The following SV2B variants were observed in gnomAD, a reference collection of about 807,000 sequenced individuals.
The protein encoded by SV2B is solute carrier family 22 member B2.
In SV2B, 41 loss-of-function variants were observed where a neutral mutation model predicts 73.9. The ratio of observed to expected loss-of-function variants is 0.56; its 90% confidence interval spans 0.43 to 0.72. SV2B has a LOEUF of 0.72. Ranked by LOEUF, SV2B falls within the 30% of genes least tolerant of loss-of-function variation. SV2B has a pLI of 0.00. For missense variants in SV2B, 764 were observed against 857.8 expected, an observed-to-expected ratio of 0.89 and a Z score of 1.37; for synonymous variants, 314 against 314.2, an observed-to-expected ratio of 1.00 and a Z score of 0.01.
At chr15:91,107,815 T>C (rs1324458411) in intron 1 of SV2B, among the ~76,000 whole-genome samples, 3 of 152,168 alleles carry the variant, frequency 2.0e-5, no homozygotes, top group African/African-American at 4.8e-5. Flanking sequence ...CTTGCTATGC[T>C]GCCCAGGCTG....
At chr15:91,155,411 G>C (rs1357540051) in intron 1 of SV2B, among the ~76,000 whole-genome samples, 4 of 152,206 alleles carry the variant, frequency 2.6e-5, no homozygotes, top group Admixed American at 6.5e-5. Context: ...TGTGGCTTTA[G>C]AAATACTTCT....
At position 91,189,442 on chromosome 15, in the gene SV2B, A is replaced by T. The variant is rs189678591; in HGVS notation, c.-391-36431A>T. Among the ~76,000 whole-genome samples the T allele has an allele frequency of 3.6e-4, 55 of 151,738 alleles. 1 individual carries two copies. In the East Asian group the frequency reaches 9.9e-3, roughly 27 times the overall value. On this transcript the variant is annotated intron_variant, in intron 1 of 12. Coordinates refer to ENST00000394232, the MANE Select transcript of SV2B (RefSeq NM_001323032.3). The stretch of plus-strand genomic sequence containing the variant: ...TGTTTTGTTTCTTCCTTTTTCACAC[A>T]GTGCTATTTTAAAAGATCTACCCAT...
At chr15:91,178,439 G>A (rs558129465) in intron 1 of SV2B, among the ~76,000 whole-genome samples, 1,818 of 151,288 alleles carry the variant, frequency 0.012, 35 homozygotes, top group African/African-American at 0.039. Context: ...CTCTTTTTCT[G>A]TTGATTGGAA....
At chr15:91,135,844 A>C (rs898013921) in intron 1 of SV2B, among the ~76,000 whole-genome samples, 4 of 152,210 alleles carry the variant, frequency 2.6e-5, no homozygotes, top group Non-Finnish European at 4.4e-5. Context: ...CATGGCTAGC[A>C]GTTCATGAAG....
rs2042974717 is a variant in SV2B, at chr15:91,140,748, G to C, written c.-392+40385G>C. Among the ~76,000 whole-genome samples, 1 of 151,890 alleles carries C rather than the reference G, an allele frequency of 6.6e-6. No individual in the cohort carries two copies. Among genetic ancestry groups the C allele is most frequent in the Non-Finnish European group, 1.5e-5 (1 of 67,984 alleles). ...CTTAAAACACCACCTTCTACCAAAG[G>C]CATGCTTCTGTTTGTCTTGAAGAAG... On this transcript the variant is annotated intron_variant, in intron 1 of 12. Transcript: ENST00000394232. This position sits in a 1 kb window ranked among gnomAD's most constrained non-coding sequence, Gnocchi z 4.4.
In SV2B at chr15:91,253,062, G is replaced by C. The variant is rs2047553937; in HGVS notation, c.784+542G>C. On this transcript the variant is annotated intron_variant, in intron 4 of 12. Coordinates refer to ENST00000394232, the MANE Select transcript of SV2B (RefSeq NM_001323032.3). This position sits in a 1 kb window ranked among gnomAD's most constrained non-coding sequence, Gnocchi z 5.0. ...CCGTGACAGTGCAGGAGCCCTTATA[G>C]ACAAGGTCATGGTTTCAGCCGGGAC... Among the ~76,000 whole-genome samples, 1 of 152,166 alleles carries C rather than the reference G, an allele frequency of 6.6e-6. No homozygotes were observed. Among genetic ancestry groups the C allele is most frequent in the Non-Finnish European group, 1.5e-5 (1 of 68,034 alleles).
At chr15:91,144,255 G>T (rs2043082278) in intron 1 of SV2B, among the ~76,000 whole-genome samples, 1 of 152,156 alleles carries the variant, frequency 6.6e-6, no homozygotes, top group South Asian at 2.1e-4. Context: ...CACAGGACTG[G>T]AGTGGTTTGA....
chr15:91,183,909 G>C (rs1431343502), intron 1 of SV2B, among the ~76,000 whole-genome samples: 1 of 151,942 alleles, frequency 6.6e-6, no homozygotes, highest in Non-Finnish European at 1.5e-5. Context: ...TCTGCTCGTC[G>C]TTTCTACGTG....
intron 1 of SV2B, among the ~76,000 whole-genome samples, chr15:91,113,383 A>G (rs1253098409): frequency 6.6e-6 from 1 of 152,172 alleles, no homozygotes; most frequent in African/African-American, 2.4e-5. Context: ...AACTACACAC[A>G]TCTTAGAGTT....
chr15:91,207,169 A>G (rs1765179690), intron 1 of SV2B, among the ~76,000 whole-genome samples: 1 of 148,280 alleles, frequency 6.7e-6, no homozygotes, highest in African/African-American at 2.5e-5. Flanking sequence ...CTACAGGCAC[A>G]CGCCATTATG....
intron 1 of SV2B, among the ~76,000 whole-genome samples, chr15:91,142,392 C>G (rs12148191): frequency 0.22 from 32,911 of 152,108 alleles, 3,833 homozygotes; most frequent in Non-Finnish European, 0.26. Flanking sequence ...AAAAAAGTTG[C>G]AATGCTTGCT....
intron 4 of SV2B, among the ~76,000 whole-genome samples, chr15:91,256,085 G>A (rs1284803723): frequency 1.3e-5 from 2 of 152,114 alleles, no homozygotes; most frequent in Admixed American, 6.5e-5. Flanking sequence ...GTGAACTCAC[G>A]GGTAAAGCTC....
rs1024636591 is a variant in SV2B at position 91,242,892 on chromosome 15, A to G, written c.452-8927A>G. ...ACTCAGAGATTTTATTTAGCAATCTAGATTTCTGGTTCTTTTTGAAACTGT... is the reference window on the plus strand; with the variant it reads ...ACTCAGAGATTTTATTTAGCAATCTGGATTTCTGGTTCTTTTTGAAACTGT... On this transcript the variant is annotated intron_variant, in intron 2 of 12. Coordinates refer to ENST00000394232, the MANE Select transcript of SV2B (RefSeq NM_001323032.3). This position sits in a 1 kb window ranked among gnomAD's most constrained non-coding sequence, Gnocchi z 4.9. Among the ~76,000 whole-genome samples, 2 of 152,200 alleles carry G rather than the reference A, an allele frequency of 1.3e-5. No homozygotes were observed. The highest frequency in any genetic ancestry group is 2.4e-5 in the African/African-American group (1 of 41,446).
intron 1 of SV2B, among the ~76,000 whole-genome samples, chr15:91,164,552 G>A (rs971427809): frequency 6.6e-6 from 1 of 152,092 alleles, no homozygotes; most frequent in Non-Finnish European, 1.5e-5. Context: ...ACTTATTTGG[G>A]ACCTTAACTA....
intron 6 of SV2B, among the ~76,000 whole-genome samples, chr15:91,266,011 T>G (rs1567411482): frequency 6.6e-6 from 1 of 152,042 alleles, no homozygotes; most frequent in Non-Finnish European, 1.5e-5. Context: ...GGTGTGGTGG[T>G]GCAGGCATGT....
intron 1 of SV2B, among the ~76,000 whole-genome samples, chr15:91,169,893 T>C (rs1195015946): frequency 6.6e-6 from 1 of 152,266 alleles, no homozygotes; most frequent in South Asian, 2.1e-4. Flanking sequence ...TTGTTTAACA[T>C]CCCTGTTGTT....
At position 91,197,282 on chromosome 15, in the gene SV2B, G is replaced by A. The variant is rs998668309; in HGVS notation, c.-391-28591G>A. Among the ~76,000 whole-genome samples the A allele has an allele frequency of 6.6e-6, 1 of 152,114 alleles. No homozygotes were observed. Among genetic ancestry groups the A allele is most frequent in the Non-Finnish European group, 1.5e-5 (1 of 68,012 alleles). On this transcript the variant is annotated intron_variant, in intron 1 of 12. Coordinates refer to ENST00000394232, the MANE Select transcript of SV2B (RefSeq NM_001323032.3). The surrounding 1 kb of genome is among the most constrained non-coding windows in gnomAD (Gnocchi z 4.9). ...TCATTCTCGTTGCCCAGGCTGGAGT[G>A]CAATGGCATGATCTCAGCTCACCGC...
chr15:91,100,809 G>C lies in SV2B; in HGVS notation c.-392+446G>C, dbSNP rs2041701303. On this transcript the variant is annotated intron_variant, in intron 1 of 12. Transcript: ENST00000394232. This position sits in a 1 kb window ranked among gnomAD's most constrained non-coding sequence, Gnocchi z 6.4. ...AACGTGCTTACACCTGGTGGCTCTT[G>C]GGGTTTGTGAGTGTGTATTTCTGTA... Among the ~76,000 whole-genome samples, 1 of 152,232 alleles carries C rather than the reference G, an allele frequency of 6.6e-6. No homozygotes were observed. The highest frequency in any genetic ancestry group is 2.4e-5 in the African/African-American group (1 of 41,468).
chr15:91,292,741 G>T lies in SV2B; in HGVS notation c.*189G>T. 1 of 646,282 alleles carries T rather than the reference G, an allele frequency of 1.5e-6. No homozygotes were observed. Among genetic ancestry groups the T allele is most frequent in the South Asian group, 2.6e-5 (1 of 37,820 alleles). The allele number at this position is 646,282 out of a possible 1,614,324, so 40.0% of individuals were successfully genotyped here. On this transcript the variant is annotated 3_prime_UTR_variant, in exon 13 of 13. Transcript: ENST00000394232. ...TGTAACTCAGGTGACTGATTTGGGG[G>T]TGCCCTGAGCCACCCTTAGAATCAC...
Sources: gnomAD v4.1 joint callset for allele counts (sites outside exome capture counted in the v4.1 genomes callset) on GRCh38, gnomAD v4.1.1 for gene constraint, Gnocchi (gnomAD v3.1) non-coding constraint, MANE v1.5 for transcripts, NCBI Gene and HGNC (gene_info 2026-07-23, HGNC 2026-07-21) for gene names.